PLXNA2: variants seen among roughly 807,000 people sequenced by gnomAD.
PLXNA2 encodes the protein plexin A2, also known as plexin-A2.
PLXNA2 carries 91 observed loss-of-function variants against 193.5 expected under a neutral mutation model. The observed-to-expected ratio is 0.47, with a 90% confidence interval of 0.40 to 0.56. The LOEUF (loss-of-function observed/expected upper bound fraction) is 0.56. Ranked by LOEUF, PLXNA2 falls within the 20% of genes least tolerant of loss-of-function variation. The pLI is 0.00. For missense variants in PLXNA2, 1,995 were observed against 2,503.2 expected (o/e 0.80, Z 4.33); for synonymous variants, 997 against 1,027.3 (o/e 0.97, Z 0.56).
chr1:208,185,960 C>A (rs555351644), intron 3 of PLXNA2, among the ~76,000 whole-genome samples: 1 of 152,220 alleles, frequency 6.6e-6, no homozygotes, highest in African/African-American at 2.4e-5. Context: ...ACTGGGGCAG[C>A]AGACTAGATG....
intron 3 of PLXNA2, among the ~76,000 whole-genome samples, chr1:208,179,306 G>A (rs760952928): frequency 6.6e-6 from 1 of 152,232 alleles, no homozygotes; most frequent in African/African-American, 2.4e-5. Flanking sequence ...GCACTTTCCC[G>A]TCCTCGGTCA....
intron 3 of PLXNA2, among the ~76,000 whole-genome samples, chr1:208,173,853 GGAA>G (rs1185099446): frequency 6.6e-6 from 1 of 152,242 alleles, no homozygotes; most frequent in Admixed American, 6.5e-5. Context: ...CACCAAGCCA[GGAA>G]GAAGAACTCC....
intron 4 of PLXNA2, among the ~76,000 whole-genome samples, chr1:208,141,833 A>G (rs911782100): frequency 3.3e-5 from 5 of 152,200 alleles, no homozygotes; most frequent in Non-Finnish European, 7.3e-5. Flanking sequence ...TCCCATCTCC[A>G]TAGGCCTGGT....
intron 9 of PLXNA2, among the ~76,000 whole-genome samples, chr1:208,089,756 T>C (rs574353721): frequency 1.8e-4 from 27 of 152,226 alleles, no homozygotes; most frequent in African/African-American, 6.3e-4. Context: ...TGATTCAAAG[T>C]TGGGAAGGGA....
intron 5 of PLXNA2, among the ~76,000 whole-genome samples, chr1:208,102,554 T>C (rs1057188729): frequency 1.4e-4 from 21 of 152,316 alleles, no homozygotes; most frequent in African/African-American, 4.8e-4. Context: ...CTCCCAAGGG[T>C]ATAGGGTCCA....
At chr1:208,068,777 C>T (rs1338706526) in intron 12 of PLXNA2, among the ~76,000 whole-genome samples, 4 of 152,186 alleles carry the variant, frequency 2.6e-5, no homozygotes, top group African/African-American at 7.2e-5. Flanking sequence ...TGTTTTCCTC[C>T]CTGGGGTTCT....
chr1:208,125,955 C>T (rs896157572), intron 4 of PLXNA2, among the ~76,000 whole-genome samples: 3 of 152,268 alleles, frequency 2.0e-5, no homozygotes, highest in African/African-American at 4.8e-5. Context: ...AGCTCTGTTG[C>T]GGTCACAGGA....
At chr1:208,234,556 C>A (rs1454256040) in intron 1 of PLXNA2, among the ~76,000 whole-genome samples, 1 of 152,176 alleles carries the variant, frequency 6.6e-6, no homozygotes, top group Non-Finnish European at 1.5e-5. Flanking sequence ...CCCCAGACAT[C>A]CTGCTAGGTT....
rs138434628 is a variant in PLXNA2 at position 208,045,254 on chromosome 1, C to T, written c.3496-44G>A. The T allele has an allele frequency of 1.8e-4, 288 of 1,591,204 alleles. 1 individual carries two copies. The African/African-American group carries it at 2.2e-3, about 12-fold the overall frequency. ...TTTATAGGCATAATTGACACATGCA[C>T]GCACAAGTTAATTGCCTACTTAAAA... On this transcript the variant is annotated intron_variant, in intron 18 of 31. Coordinates refer to ENST00000367033, the MANE Select transcript of PLXNA2 (RefSeq NM_025179.4).
At chr1:208,128,831 A>C (rs1008266047) in intron 4 of PLXNA2, among the ~76,000 whole-genome samples, 4 of 151,010 alleles carry the variant, frequency 2.6e-5, no homozygotes. Context: ...CCTCCCGAGT[A>C]GCTGGGACTA....
chr1:208,235,032 C>T (rs1206423581), intron 1 of PLXNA2, among the ~76,000 whole-genome samples: 1 of 152,194 alleles, frequency 6.6e-6, no homozygotes. Context: ...TTTTCTTATT[C>T]CATGAAGGGT....
intron 1 of PLXNA2, among the ~76,000 whole-genome samples, chr1:208,237,885 A>T (rs1238520196): frequency 6.6e-6 from 1 of 152,140 alleles, no homozygotes; most frequent in Non-Finnish European, 1.5e-5. Flanking sequence ...TTACTTTTTC[A>T]TCCTTGTATT....
intron 1 of PLXNA2, among the ~76,000 whole-genome samples, chr1:208,233,798 G>A (rs952179594): frequency 1.3e-5 from 2 of 152,208 alleles, no homozygotes; most frequent in African/African-American, 2.4e-5. Context: ...AGTGCCTCTC[G>A]GGGAGGGAGG....
chr1:208,158,219 C>T (rs1349535616), intron 3 of PLXNA2, among the ~76,000 whole-genome samples: 2 of 152,172 alleles, frequency 1.3e-5, no homozygotes, highest in African/African-American at 4.8e-5. Context: ...AAACCTGTGT[C>T]CCTCTGTCTG....
chr1:208,105,143 A>G (rs1667222521), intron 4 of PLXNA2, among the ~76,000 whole-genome samples: 1 of 152,214 alleles, frequency 6.6e-6, no homozygotes, highest in African/African-American at 2.4e-5. Context: ...TTGCTCAACC[A>G]GAGATCCTTC....
chr1:208,032,705 G>T (rs957907998), intron 28 of PLXNA2, among the ~76,000 whole-genome samples: 1 of 148,744 alleles, frequency 6.7e-6, no homozygotes. Flanking sequence ...ACATTTGGGG[G>T]TAGCTGGGGT....
chr1:208,105,153 C>T (rs1175931691), intron 4 of PLXNA2, among the ~76,000 whole-genome samples: 1 of 152,206 alleles, frequency 6.6e-6, no homozygotes, highest in African/African-American at 2.4e-5. Flanking sequence ...AGAGATCCTT[C>T]CTGGAGGGTG....
intron 3 of PLXNA2, among the ~76,000 whole-genome samples, chr1:208,207,235 A>G (rs999100441): frequency 5.3e-5 from 8 of 152,130 alleles, no homozygotes; most frequent in Non-Finnish European, 1.2e-4. Flanking sequence ...TGAACTCCTG[A>G]CCTCAGGTGA....
chr1:208,109,824 C>G (rs983859873), intron 4 of PLXNA2, among the ~76,000 whole-genome samples: 1 of 152,192 alleles, frequency 6.6e-6, no homozygotes, highest in African/African-American at 2.4e-5. Context: ...AAGAGCAGAG[C>G]GGGGATCAGG....
Sources: gnomAD v4.1 joint callset for allele counts (sites outside exome capture counted in the v4.1 genomes callset) on GRCh38, gnomAD v4.1.1 for gene constraint, MANE v1.5 for transcripts, NCBI Gene and HGNC (gene_info 2026-07-23, HGNC 2026-07-21) for gene names.